Variants in DPF3 observed in about 807,000 individuals in gnomAD.
DPF3 encodes zinc finger protein DPF3.
Under a neutral mutation model 56.8 loss-of-function variants are expected in DPF3, and 18 were observed. The observed-to-expected ratio is 0.32, with a 90% CI of 0.22 to 0.47. DPF3 has a LOEUF of 0.47. Among genes scored for constraint, DPF3 ranks in the 20% least tolerant of loss-of-function variants. The pLI is 1.00. For synonymous variants in DPF3, 188 were observed against 180.2 expected, an observed-to-expected ratio of 1.04 and a Z score of -0.35; for missense variants, 403 against 488.8, an observed-to-expected ratio of 0.82 and a Z score of 1.65.
chr14:72,881,872 G>A (rs902321733), intron 1 of DPF3, among the ~76,000 whole-genome samples: 5 of 152,052 alleles, frequency 3.3e-5, no homozygotes, highest in African/African-American at 1.2e-4. Flanking sequence ...TAAGTTTCAT[G>A]TTTTATTAAA....
chr14:72,679,843 G>A (rs1191771947), intron 7 of DPF3, among the ~76,000 whole-genome samples: 4 of 152,222 alleles, frequency 2.6e-5, no homozygotes, highest in East Asian at 1.9e-4. Context: ...AGCCCAGGCC[G>A]GCCAGGCGGG....
chr14:72,776,878 G>A (rs977291777), intron 1 of DPF3, among the ~76,000 whole-genome samples: 5 of 151,762 alleles, frequency 3.3e-5, no homozygotes. Context: ...GGGTGGGGGT[G>A]GGGGCCGAGG....
chr14:72,760,309 A>G (rs1891017746), intron 2 of DPF3, among the ~76,000 whole-genome samples: 1 of 152,170 alleles, frequency 6.6e-6, no homozygotes, highest in Non-Finnish European at 1.5e-5. Context: ...CATCTCGACT[A>G]AAAATACAAA....
At chr14:72,875,326 G>C (rs1886070683) in intron 1 of DPF3, among the ~76,000 whole-genome samples, 1 of 152,152 alleles carries the variant, frequency 6.6e-6, no homozygotes, top group African/African-American at 2.4e-5. Context: ...AGGATTGCTT[G>C]AGCCTGGGAG....
chr14:72,879,791 CTG>C (rs1406212339), intron 1 of DPF3: 1 of 1,531,296 alleles, frequency 6.5e-7, no homozygotes, highest in African/African-American at 1.4e-5. Context: ...GTCTCTCACA[CTG>C]AGGTTCTTAC....
chr14:72,811,208 G>A (rs541406978), intron 1 of DPF3, among the ~76,000 whole-genome samples: 54 of 152,292 alleles, frequency 3.5e-4, no homozygotes, highest in African/African-American at 1.2e-3. Context: ...CCACCCTCAT[G>A]GTCTAATAAT....
At chr14:72,673,379 C>A (rs1020968916) in intron 8 of DPF3, among the ~76,000 whole-genome samples, 1 of 152,268 alleles carries the variant, frequency 6.6e-6, no homozygotes, top group Middle Eastern at 3.4e-3. Context: ...GCTGATGAGA[C>A]TAAAAATGGG....
At chr14:72,684,171 C>T (rs555740959) in intron 7 of DPF3, among the ~76,000 whole-genome samples, 17 of 152,194 alleles carry the variant, frequency 1.1e-4, no homozygotes, top group Admixed American at 2.0e-4. Flanking sequence ...CTCAGCCTCC[C>T]GAGTAGCTGG....
In DPF3 at chr14:72,771,851, C is replaced by A; in HGVS notation, c.75G>T (p.Arg25=). The A allele has an allele frequency of 1.9e-6, 3 of 1,611,076 alleles. No individual in the cohort carries two copies. Among genetic ancestry groups the A allele is most frequent in the Non-Finnish European group, 2.5e-6 (3 of 1,178,472 alleles). ...CTGCACACAGCCGTGAGTTGTAACT[C>A]CGGCAGTGCTCAATGGCTTCCTTGT... ...QFYKEAIEHC[R]SYNSRLCAER... The change falls in exon 2 of 11, where the codon CGG becomes CGT. Residue 25 remains arginine, a synonymous_variant. Transcript: ENST00000556509.
chr14:72,829,259 A>C (rs1298159061), intron 1 of DPF3, among the ~76,000 whole-genome samples: 1 of 152,234 alleles, frequency 6.6e-6, no homozygotes, highest in Non-Finnish European at 1.5e-5. Flanking sequence ...AAGGCCTCTC[A>C]CAGTACAAGA....
At chr14:72,701,138 C>T (rs760512286) in intron 6 of DPF3, among the ~76,000 whole-genome samples, 2 of 152,210 alleles carry the variant, frequency 1.3e-5, no homozygotes, top group Non-Finnish European at 2.9e-5. Context: ...GAGGGTCATG[C>T]CCCATCTTCC....
intron 1 of DPF3, among the ~76,000 whole-genome samples, chr14:72,800,999 C>G (rs1263454799): frequency 6.6e-6 from 1 of 152,218 alleles, no homozygotes; most frequent in Non-Finnish European, 1.5e-5. Context: ...GGAGATGACT[C>G]TCTGGGTAGC....
intron 8 of DPF3, among the ~76,000 whole-genome samples, chr14:72,652,940 C>A (rs1371133986): frequency 3.3e-5 from 5 of 152,126 alleles, no homozygotes; most frequent in Non-Finnish European, 7.3e-5. Context: ...GGCTCACATC[C>A]AATTGTTTTT....
intron 2 of DPF3, among the ~76,000 whole-genome samples, chr14:72,768,277 T>G (rs1010173952): frequency 4.6e-5 from 7 of 152,344 alleles, no homozygotes; most frequent in Admixed American, 4.6e-4. Flanking sequence ...TTCTAAATTA[T>G]GTTTGATGGT....
intron 1 of DPF3, among the ~76,000 whole-genome samples, chr14:72,839,675 C>T (rs1429278665): frequency 6.6e-6 from 1 of 152,196 alleles, no homozygotes; most frequent in Non-Finnish European, 1.5e-5. Flanking sequence ...CTCTTGGGGA[C>T]AGTAGCCCAA....
At chr14:72,674,596 T>C (rs1333964759) in intron 7 of DPF3, among the ~76,000 whole-genome samples, 2 of 152,248 alleles carry the variant, frequency 1.3e-5, no homozygotes, top group African/African-American at 2.4e-5. Context: ...TCCCCAGCTC[T>C]GTGTTGTTGC....
intron 1 of DPF3, chr14:72,892,237 A>C (rs11158986): frequency 0.96 from 1,480,652 of 1,535,460 alleles, 714,410 homozygotes; most frequent in East Asian, 1. Context: ...GGGGAAACTG[A>C]AAATCAGTTG....
rs1004547271 is a variant in DPF3, at chr14:72,609,674, C to T, written c.*9623G>A. Among the ~76,000 whole-genome samples, 19 of 152,168 alleles carry T rather than the reference C, an allele frequency of 1.2e-4. No homozygotes were observed. The highest frequency in any genetic ancestry group is 5.8e-4 in the East Asian group (3 of 5,190). On this transcript the variant is annotated 3_prime_UTR_variant, in exon 11 of 11. Transcript: ENST00000556509. ...GGGTGGCACACACACCTACAGAGACCGCAACCACATCACAGTGAAGGAGGA... is the reference window on the plus strand; with the variant it reads ...GGGTGGCACACACACCTACAGAGACTGCAACCACATCACAGTGAAGGAGGA...
At chr14:72,661,011 T>C (rs1465487910) in intron 8 of DPF3, 1 of 975,192 alleles carries the variant, frequency 1.0e-6, no homozygotes, top group Non-Finnish European at 1.2e-6. Context: ...CAGGATGAGC[T>C]TGGTTGGTCA....
Sources: gnomAD v4.1 joint callset for allele counts (sites outside exome capture counted in the v4.1 genomes callset) on GRCh38, gnomAD v4.1.1 for gene constraint, MANE v1.5 for transcripts, NCBI Gene and HGNC (gene_info 2026-07-23, HGNC 2026-07-21) for gene names.